The following GABRG2 variants were observed in gnomAD, a reference collection of about 807,000 sequenced individuals.
GABRG2 encodes gamma-aminobutyric acid type A receptor subunit gamma2.
Under a neutral mutation model 56.4 loss-of-function variants are expected in GABRG2, and 16 were observed. The observed-to-expected ratio is 0.28, with a 90% CI of 0.19 to 0.43. The LOEUF (loss-of-function observed/expected upper bound fraction) is 0.43, where lower values mean the gene tolerates loss of function less well. Ranked by LOEUF, GABRG2 falls within the 20% of genes least tolerant of loss-of-function variation. The pLI, the probability that GABRG2 is intolerant of heterozygous loss-of-function variation, is 1.00. For missense variants in GABRG2, 327 were observed against 582.7 expected, an observed-to-expected ratio of 0.56 and a Z score of 4.52; for synonymous variants, 208 against 205.5, an observed-to-expected ratio of 1.01 and a Z score of -0.10.
At chr5:162,126,170 T>G (rs1180941988) in intron 6 of GABRG2, among the ~76,000 whole-genome samples, 1 of 151,862 alleles carries the variant, frequency 6.6e-6, no homozygotes, top group Non-Finnish European at 1.5e-5. Context: ...CTTCAAGAAA[T>G]GAGGGGGTAA....
chr5:162,142,546 A>G (rs927412594), intron 7 of GABRG2: 119 of 450,148 alleles, frequency 2.6e-4, no homozygotes, highest in Non-Finnish European at 4.8e-4. Flanking sequence ...TGGCACATAT[A>G]CACCATGGAA....
chr5:162,080,338 G>T (rs1157002141), intron 1 of GABRG2, among the ~76,000 whole-genome samples: 1 of 152,070 alleles, frequency 6.6e-6, no homozygotes, highest in African/African-American at 2.4e-5. Context: ...ATGAATAATG[G>T]ATAAGAAGTT....
chr5:162,127,502 A>C (rs184525737), intron 6 of GABRG2, among the ~76,000 whole-genome samples: 1 of 152,032 alleles, frequency 6.6e-6, no homozygotes, highest in East Asian at 1.9e-4. Flanking sequence ...GGAAGCTCAT[A>C]TCTCCATATG....
intron 9 of GABRG2, 165 bp downstream of exon 9, chr5:162,151,918 A>G: frequency 1.7e-6 from 1 of 601,184 alleles, no homozygotes; most frequent in Non-Finnish European, 2.9e-6. Context: ...TTCAGCAACT[A>G]TACACTAATT....
chr5:162,088,611 C>A (rs1760315347), intron 1 of GABRG2, among the ~76,000 whole-genome samples: 1 of 151,940 alleles, frequency 6.6e-6, no homozygotes, highest in African/African-American at 2.4e-5. Context: ...AATTTATTGT[C>A]CTAAGGGAAA....
intron 1 of GABRG2, among the ~76,000 whole-genome samples, chr5:162,078,215 G>T (rs1212681933): frequency 6.6e-6 from 1 of 151,346 alleles, no homozygotes; most frequent in Non-Finnish European, 1.5e-5. Flanking sequence ...TGCCACCATG[G>T]CTGGGTTCTG....
chr5:162,103,854 T>C (rs1271055008), intron 5 of GABRG2, 35 bp from the exon 6 acceptor site: 1 of 1,612,726 alleles, frequency 6.2e-7, no homozygotes, highest in South Asian at 1.1e-5. Flanking sequence ...TAATTTATAA[T>C]CATTTTTAAT....
intron 4 of GABRG2, chr5:162,098,979 A>T (rs1180568846): frequency 6.6e-6 from 1 of 152,130 alleles, no homozygotes; most frequent in Admixed American, 6.6e-5. Context: ...AAGTAAAGTG[A>T]TTAACATAGA....
At chr5:162,110,018 C>A (rs1257451432) in intron 6 of GABRG2, among the ~76,000 whole-genome samples, 1 of 152,072 alleles carries the variant, frequency 6.6e-6, no homozygotes, top group Non-Finnish European at 1.5e-5. Flanking sequence ...CATGAAACAT[C>A]TTCATAATTA....
chr5:162,071,062 C>T (rs1255554736), intron 1 of GABRG2, among the ~76,000 whole-genome samples: 1 of 151,260 alleles, frequency 6.6e-6, no homozygotes, highest in South Asian at 2.1e-4. Context: ...TATAACAAAG[C>T]ATAAGGAATA....
intron 6 of GABRG2, among the ~76,000 whole-genome samples, chr5:162,122,573 A>T (rs2113489649): frequency 6.6e-6 from 1 of 151,932 alleles, no homozygotes; most frequent in East Asian, 1.9e-4. Context: ...TTTATACTTC[A>T]GATTATTTAA....
chr5:162,080,978 G>T (rs1285257418), intron 1 of GABRG2, among the ~76,000 whole-genome samples: 1 of 152,048 alleles, frequency 6.6e-6, no homozygotes, highest in African/African-American at 2.4e-5. Flanking sequence ...AAAGACTATT[G>T]CTAAATTCCA....
At chr5:162,078,397 ATT>A (rs869191596) in intron 1 of GABRG2, among the ~76,000 whole-genome samples, 67 of 30,604 alleles carry the variant, frequency 2.2e-3, no homozygotes, top group South Asian at 6.0e-3. Flanking sequence ...ATATATATAT[ATT>A]TTTTTTTTTT....
intron 1 of GABRG2, among the ~76,000 whole-genome samples, chr5:162,078,092 ACTT>A (rs1229287415): frequency 6.6e-6 from 1 of 152,038 alleles, no homozygotes; most frequent in Non-Finnish European, 1.5e-5. Flanking sequence ...GCTGATTCCT[ACTT>A]AGTAGGAAGT....
At chr5:162,108,012 C>G (rs1761959537) in intron 6 of GABRG2, among the ~76,000 whole-genome samples, 1 of 152,168 alleles carries the variant, frequency 6.6e-6, no homozygotes, top group African/African-American at 2.4e-5. Flanking sequence ...ACTTACTAAG[C>G]ACTAACTACA....
chr5:162,094,224 T>C (rs1760831383), intron 2 of GABRG2: 2 of 492,236 alleles, frequency 4.1e-6, no homozygotes, highest in African/African-American at 1.9e-5. Context: ...CACATATTGC[T>C]AGATATCTCA....
At chr5:162,090,388 C>A (rs1760479900) in intron 1 of GABRG2, among the ~76,000 whole-genome samples, 1 of 151,872 alleles carries the variant, frequency 6.6e-6, no homozygotes, top group Non-Finnish European at 1.5e-5. Context: ...ACTGGTCTAA[C>A]CACTCTATAA....
intron 7 of GABRG2, among the ~76,000 whole-genome samples, chr5:162,147,664 C>T (rs1765066450): frequency 6.6e-6 from 1 of 152,068 alleles, no homozygotes; most frequent in Non-Finnish European, 1.5e-5. Context: ...ATGCCTGGCC[C>T]GACCTGTTTC....
chr5:162,111,673 T>C (rs540354718), intron 6 of GABRG2, among the ~76,000 whole-genome samples: 3 of 152,188 alleles, frequency 2.0e-5, no homozygotes, highest in Non-Finnish European at 2.9e-5. Flanking sequence ...GAGAAAGATA[T>C]TCTTTTTCCA....
Sources: gnomAD v4.1 joint callset for allele counts (sites outside exome capture counted in the v4.1 genomes callset) on GRCh38, gnomAD v4.1.1 for gene constraint, MANE v1.5 for transcripts, NCBI Gene and HGNC (gene_info 2026-07-23, HGNC 2026-07-21) for gene names.